The following UNC13C variants were observed in gnomAD, a reference collection of about 807,000 sequenced individuals.
UNC13C encodes unc-13 homolog C.
UNC13C carries 174 observed loss-of-function variants against 245.4 expected under a neutral mutation model. The observed-to-expected ratio is 0.71, with a 90% CI of 0.63 to 0.80. UNC13C has a LOEUF of 0.80. UNC13C is among the 30% of genes least tolerant of loss of function. The pLI is 0.00. For synonymous variants in UNC13C, 992 were observed against 895.1 expected (o/e 1.11, Z -1.93); for missense variants, 2,829 against 2,602.9 (o/e 1.09, Z -1.89).
At chr15:54,214,786 C>T (rs2034988647) in intron 4 of UNC13C, among the ~76,000 whole-genome samples, 1 of 151,798 alleles carries the variant, frequency 6.6e-6, no homozygotes, top group Admixed American at 6.6e-5. Context: ...CTGAGATTTT[C>T]CTGAGATTAC....
At chr15:53,859,975 A>G in the UNC13C span, among the ~76,000 whole-genome samples, 1 of 152,138 alleles carries the variant, frequency 6.6e-6, no homozygotes, top group Non-Finnish European at 1.5e-5. Context: ...TTCCCACACT[A>G]GCTGTGATTC....
the UNC13C span, among the ~76,000 whole-genome samples, chr15:53,947,401 T>A: frequency 6.6e-6 from 1 of 152,216 alleles, no homozygotes; most frequent in Non-Finnish European, 1.5e-5. Flanking sequence ...GCTGATTTAT[T>A]AGCTCTCAGC....
At chr15:54,481,984 C>T (rs963378922) in intron 19 of UNC13C, among the ~76,000 whole-genome samples, 10 of 152,120 alleles carry the variant, frequency 6.6e-5, no homozygotes, top group Non-Finnish European at 1.3e-4. Context: ...CAGCATTGCT[C>T]CTGTGAGGGG....
In UNC13C at chr15:53,980,939, G is replaced by A. The variant is rs528667030; in HGVS notation, c.-257+2012G>A. Among the ~76,000 whole-genome samples the A allele has an allele frequency of 3.9e-5, 6 of 152,226 alleles. No homozygotes were observed. In the East Asian group the frequency reaches 1.2e-3, roughly 29 times the overall value. ...AGAACTAGTTGCTTAAGAGCCCATG[G>A]GTCATTGGAAACACAGGATAATTGC... On this transcript the variant is annotated intron_variant, in intron 1 of 32. Coordinates refer to ENST00000260323, the MANE Select transcript of UNC13C (RefSeq NM_001080534.3).
At chr15:54,632,353 A>T (rs1439861173), downstream of UNC13C, 6 of 152,206 alleles carry the variant, frequency 3.9e-5, no homozygotes, top group Non-Finnish European at 8.8e-5. Context: ...ATTTGATGAA[A>T]TCATTTTTTC....
In UNC13C at chr15:54,543,352, T is replaced by A. The variant is rs184008025; in HGVS notation, c.5697-3370T>A. Among the ~76,000 whole-genome samples, 599 of 151,814 alleles carry A rather than the reference T, an allele frequency of 3.9e-3. 3 individuals are homozygous for A. The highest frequency in any genetic ancestry group is 6.9e-3 in the South Asian group (33 of 4,814). On this transcript the variant is annotated intron_variant, in intron 26 of 32. Transcript: ENST00000260323. ...TGCCCACAGGAAAAAGAGGGAAAGA[T>A]CTAAAATCAACACACTAACATCAAA...
At chr15:54,499,838 A>C (rs1231551600) in intron 20 of UNC13C, among the ~76,000 whole-genome samples, 1 of 152,158 alleles carries the variant, frequency 6.6e-6, no homozygotes, top group Admixed American at 6.6e-5. Flanking sequence ...TAACTGTTGG[A>C]AACTAAGCAT....
chr15:53,947,453 A>AT, the UNC13C span, among the ~76,000 whole-genome samples: 1 of 152,164 alleles, frequency 6.6e-6, no homozygotes, highest in Non-Finnish European at 1.5e-5. Flanking sequence ...TCCATACTCA[A>AT]TCCCCATCTC....
intron 19 of UNC13C, among the ~76,000 whole-genome samples, chr15:54,461,662 T>C (rs1442219483): frequency 3.3e-5 from 5 of 152,248 alleles, no homozygotes; most frequent in Admixed American, 2.6e-4. Flanking sequence ...ATTGTGACAA[T>C]TGAGTCATTG....
chr15:54,056,512 T>A (rs549400289), intron 2 of UNC13C, among the ~76,000 whole-genome samples: 1 of 152,212 alleles, frequency 6.6e-6, no homozygotes, highest in African/African-American at 2.4e-5. Context: ...ATGGGGAGAA[T>A]GGAACCAAGT....
chr15:54,064,541 G>T (rs1260229431), intron 2 of UNC13C, among the ~76,000 whole-genome samples: 1 of 152,156 alleles, frequency 6.6e-6, no homozygotes, highest in East Asian at 1.9e-4. Context: ...CAGTGTAGCT[G>T]ATTTCCCAAG....
At chr15:54,210,875 G>A (rs8038935) in intron 4 of UNC13C, among the ~76,000 whole-genome samples, 85,714 of 151,960 alleles carry the variant, frequency 0.56, 24,319 homozygotes, top group Middle Eastern at 0.62. Flanking sequence ...CAGGACACGC[G>A]GTGGACTTAA....
intron 25 of UNC13C, among the ~76,000 whole-genome samples, chr15:54,531,344 A>T (rs1164719555): frequency 6.6e-6 from 1 of 152,198 alleles, no homozygotes; most frequent in Non-Finnish European, 1.5e-5. Flanking sequence ...TAGGATTTCC[A>T]AACAAAATAC....
intron 2 of UNC13C, among the ~76,000 whole-genome samples, chr15:54,091,631 A>C (rs1471377850): frequency 6.6e-6 from 1 of 151,896 alleles, no homozygotes; most frequent in South Asian, 2.1e-4. Flanking sequence ...CCTTCTTTGA[A>C]TGGGAATATT....
At chr15:54,420,759 G>T (rs2040624675) in intron 19 of UNC13C, among the ~76,000 whole-genome samples, 1 of 151,888 alleles carries the variant, frequency 6.6e-6, no homozygotes, top group Admixed American at 6.6e-5. Flanking sequence ...AGCAAGAAAT[G>T]ACTCTTGAAA....
chr15:53,975,364 G>A (rs1311911987), upstream of UNC13C, among the ~76,000 whole-genome samples: 3 of 152,064 alleles, frequency 2.0e-5, no homozygotes, highest in Admixed American at 6.5e-5. Flanking sequence ...ATTTTTCTCC[G>A]TAATTATCTG....
chr15:54,329,772 C>A (rs576235864), intron 14 of UNC13C, among the ~76,000 whole-genome samples: 4 of 152,104 alleles, frequency 2.6e-5, no homozygotes, highest in Non-Finnish European at 5.9e-5. Context: ...GTTTTCTTCA[C>A]AGTTTTCTAT....
At chr15:54,190,807 C>G (rs938082212) in intron 4 of UNC13C, among the ~76,000 whole-genome samples, 1 of 151,942 alleles carries the variant, frequency 6.6e-6, no homozygotes, top group Non-Finnish European at 1.5e-5. Context: ...ACCATTTACA[C>G]TTATTGATAT....
chr15:53,870,809 T>G, the UNC13C span, among the ~76,000 whole-genome samples: 2 of 152,136 alleles, frequency 1.3e-5, no homozygotes, highest in East Asian at 1.9e-4. Context: ...CACACAGCAA[T>G]TAACTGAATT....
Sources: allele counts gnomAD v4.1 joint callset (sites outside exome capture counted in the v4.1 genomes callset), GRCh38; gene constraint gnomAD v4.1.1; transcripts MANE v1.5; gene names NCBI Gene and HGNC (gene_info 2026-07-23, HGNC 2026-07-21).